The following MYO1G variants were observed in gnomAD, a reference collection of about 807,000 sequenced individuals.
MYO1G encodes myosin IG.
In MYO1G, 65 loss-of-function variants were observed where a neutral mutation model predicts 115.3. That is an observed-to-expected ratio of 0.56 (90% confidence interval 0.46 to 0.69). The LOEUF (loss-of-function observed/expected upper bound fraction) is 0.69, where lower values mean the gene tolerates loss of function less well. Ranked by LOEUF, MYO1G falls within the 30% of genes least tolerant of loss-of-function variation. The pLI is 0.00. For missense variants in MYO1G, 1,204 were observed against 1,393.5 expected, an observed-to-expected ratio of 0.86 and a Z score of 2.16; for synonymous variants, 510 against 552.6, an observed-to-expected ratio of 0.92 and a Z score of 1.08.
At chr7:44,972,365 A>G (rs1433456483) in intron 5 of MYO1G, 140 bp from the exon 6 acceptor site, 1 of 659,012 alleles carries the variant, frequency 1.5e-6, no homozygotes, top group African/African-American at 1.8e-5. Context: ...GACAGTGTGA[A>G]CAGTTTCTGT....
In MYO1G at chr7:44,970,215, G is replaced by A. The variant is rs1794929540; in HGVS notation, c.1218-61C>T. 3 of 1,163,050 alleles carry A rather than the reference G, an allele frequency of 2.6e-6. No individual in the cohort carries two copies. In the African/African-American group the frequency reaches 4.5e-5, roughly 17 times the overall value. The allele number at this position is 1,163,050 out of a possible 1,614,324, so 72.0% of individuals were successfully genotyped here. A position where few individuals can be genotyped will look rare whatever the true frequency, so the allele number is the denominator to read the frequency against. The stretch of plus-strand genomic sequence containing the variant: ...CTGCTTGTGGAGTGCATGGTAATGG[G>A]TGGCTGCTCCCCTGAACATCTCTGC... On this transcript the variant is annotated intron_variant, in intron 9 of 21. Transcript: ENST00000258787.
chr7:44,969,445 G>A lies in MYO1G; in HGVS notation c.1542C>T (p.Asp514=). The A allele has an allele frequency of 6.2e-7, 1 of 1,613,964 alleles. No individual in the cohort carries two copies. The highest frequency in any genetic ancestry group is 8.5e-7 in the Non-Finnish European group (1 of 1,180,012). Residue 514 remains aspartate, a synonymous_variant, in exon 12 of 22, where the codon GAC becomes GAT. Transcript: ENST00000258787. The surrounding 1 kb of genome is among the most constrained non-coding windows in gnomAD (Gnocchi z 5.0). Reference sequence around the variant, plus strand: ...CCCCTGCATAGTGCTTGATCCGGAAGTCTCGGCCAAACTCCATGGTCTTGT... The same window carrying A: ...CCCCTGCATAGTGCTTGATCCGGAAATCTCGGCCAAACTCCATGGTCTTGT... ...PTDKTMEFGR[D]FRIKHYAGDV... is the part of the protein sequence containing the mutation.
chr7:44,971,740 C>G lies in MYO1G; in HGVS notation c.779G>C (p.Arg260Thr). Residue 260 changes from arginine (R) to threonine (T), a missense_variant, in exon 7 of 22, where the codon AGG (arginine) becomes ACG (threonine). Arg to Thr is a moderately conservative substitution (Grantham distance 71). Transcript: ENST00000258787. ...CTCTTCAGGACTGAAGCCGATGACC[C>G]TCATGGCCTCGGTCACTGCCTGGTG... Reference protein sequence around the residue: ...QSHQAVTEAMRVIGFSPEEVE... With the variant: ...QSHQAVTEAMTVIGFSPEEVE... 6.4e-7 allele frequency: 1 copy of G among 1,555,836 alleles called. No homozygotes were observed. Among genetic ancestry groups the G allele is most frequent in the Non-Finnish European group, 8.7e-7 (1 of 1,149,152 alleles).
intron 3 of MYO1G, 122 bp from the exon 4 acceptor site, chr7:44,975,771 T>C (rs1481299827): frequency 1.7e-6 from 2 of 1,171,688 alleles, no homozygotes; most frequent in African/African-American, 3.1e-5. Context: ...CTGAACTTGC[T>C]GAGAGGGAAC....
intron 17 of MYO1G, 60 bp from the exon 18 acceptor site, chr7:44,965,149 C>A: frequency 5.8e-6 from 9 of 1,555,512 alleles, no homozygotes; most frequent in Non-Finnish European, 7.0e-6. Flanking sequence ...TCCCTGAGCC[C>A]CCTCTCCACA....
chr7:44,965,366 T>C (rs773867143), intron 17 of MYO1G, among the ~76,000 whole-genome samples: 1 of 152,228 alleles, frequency 6.6e-6, no homozygotes, highest in Non-Finnish European at 1.5e-5. Flanking sequence ...CCCGCTCAGA[T>C]GCAGAATCCC....
Position 44,971,798 on chromosome 7 carries a change from G to A in MYO1G, c.730-9C>T, listed in dbSNP as rs928175164. ...TCATCACTGTCCAAGGCCTAGGGTA[G>A]AAGGGATTCATCACTCCAAAGCCAC... On this transcript the variant is annotated splice_polypyrimidine_tract_variant and intron_variant, in intron 6 of 21. Coordinates refer to ENST00000258787, the MANE Select transcript of MYO1G (RefSeq NM_033054.3). The A allele has an allele frequency of 9.0e-6, 14 of 1,548,544 alleles. No individual in the cohort carries two copies. The highest frequency in any genetic ancestry group is 1.2e-5 in the Non-Finnish European group (14 of 1,143,058).
At chr7:44,977,612 G>A (rs1795081053) in intron 1 of MYO1G, among the ~76,000 whole-genome samples, 1 of 147,852 alleles carries the variant, frequency 6.8e-6, no homozygotes, top group Admixed American at 6.7e-5. Flanking sequence ...CGACCCCCCA[G>A]CCTGTGGCCA....
chr7:44,966,910 T>A lies in MYO1G; in HGVS notation c.1783-72A>T, dbSNP rs1243536691. 1 of 1,447,710 alleles carries A rather than the reference T, an allele frequency of 6.9e-7. No individual in the cohort carries two copies. Among genetic ancestry groups the A allele is most frequent in the African/African-American group, 1.4e-5 (1 of 70,692 alleles). 89.7% of individuals were successfully genotyped at this position (1,447,710 alleles called of 1,614,324 possible). Reference sequence around the variant, plus strand: ...GTGCACCCTGCCCCACACCAGGGGCTTCCTAACCCCTCAAGGTCCCAGGCC... The same window carrying A: ...GTGCACCCTGCCCCACACCAGGGGCATCCTAACCCCTCAAGGTCCCAGGCC... On this transcript the variant is annotated intron_variant, in intron 14 of 21. Coordinates refer to ENST00000258787, the MANE Select transcript of MYO1G (RefSeq NM_033054.3). The surrounding 1 kb of genome is among the most constrained non-coding windows in gnomAD (Gnocchi z 5.0).
At chr7:44,975,083 G>A (rs533052374) in intron 5 of MYO1G, 91 bp downstream of exon 5, 16 of 1,321,606 alleles carry the variant, frequency 1.2e-5, no homozygotes, top group Middle Eastern at 1.8e-4. Context: ...GGGGAATTGG[G>A]GTAGTGATGG....
chr7:44,969,542 A>G lies in MYO1G; in HGVS notation c.1504-59T>C. On this transcript the variant is annotated intron_variant, in intron 11 of 21. Transcript: ENST00000258787. This position sits in a 1 kb window ranked among gnomAD's most constrained non-coding sequence, Gnocchi z 5.0. ...GTATGTGGAGGGTCTGTATGAAGGGATAGCCCTGCCTCCCCACCTCCAGGG... is the reference window on the plus strand; with the variant it reads ...GTATGTGGAGGGTCTGTATGAAGGGGTAGCCCTGCCTCCCCACCTCCAGGG... The G allele has an allele frequency of 6.3e-7, 1 of 1,594,774 alleles. No homozygotes were observed.
intron 5 of MYO1G, 78 bp downstream of exon 5, chr7:44,975,096 G>T: frequency 6.9e-7 from 1 of 1,449,594 alleles, no homozygotes. Context: ...AGTGATGGAA[G>T]GGTCACAAGC....
intron 7 of MYO1G, 73 bp from the exon 8 acceptor site, chr7:44,971,132 G>A: frequency 7.2e-7 from 1 of 1,398,148 alleles, no homozygotes; most frequent in South Asian, 1.3e-5. Context: ...GGACAAGAAG[G>A]AGGAAGGAAA....
chr7:44,969,907 C>G lies in MYO1G; in HGVS notation c.1333-32G>C. The G allele has an allele frequency of 6.3e-7, 1 of 1,589,686 alleles. No individual in the cohort carries two copies. The highest frequency in any genetic ancestry group is 8.6e-7 in the Non-Finnish European group (1 of 1,166,756). On this transcript the variant is annotated intron_variant, in intron 10 of 21. Coordinates refer to ENST00000258787, the MANE Select transcript of MYO1G (RefSeq NM_033054.3). This position sits in a 1 kb window ranked among gnomAD's most constrained non-coding sequence, Gnocchi z 5.0. ...CAAAGGCAGCCAGCAAGGAAGCTCC[C>G]AAGGTCTTTCAGGCCACCTCCCCTC...
rs1289815772 is a variant in MYO1G, at chr7:44,969,163, G to A, written c.1574+250C>T. 5 of 460,576 alleles carry A rather than the reference G, an allele frequency of 1.1e-5. No homozygotes were observed. The highest frequency in any genetic ancestry group is 6.7e-5 in the Admixed American group (2 of 29,974). The allele number at this position is 460,576 out of a possible 1,614,324, so 28.5% of individuals were successfully genotyped here. Reference sequence around the variant, plus strand: ...CTGGTATAGGGTTGGGCCCAGACATGAGACGTGGGTATTTTTTAAAGGCTC... The same window carrying A: ...CTGGTATAGGGTTGGGCCCAGACATAAGACGTGGGTATTTTTTAAAGGCTC... On this transcript the variant is annotated intron_variant, in intron 12 of 21. Transcript: ENST00000258787. This position sits in a 1 kb window ranked among gnomAD's most constrained non-coding sequence, Gnocchi z 5.0.
chr7:44,964,590 C>T lies in MYO1G; in HGVS notation c.2527-71G>A. The T allele has an allele frequency of 8.1e-7, 1 of 1,230,638 alleles. No individual in the cohort carries two copies. Among genetic ancestry groups the T allele is most frequent in the South Asian group, 1.2e-5 (1 of 82,862 alleles). The allele number at this position is 1,230,638 out of a possible 1,614,324, so 76.2% of individuals were successfully genotyped here. A position where few individuals can be genotyped will look rare whatever the true frequency, so the allele number is the denominator to read the frequency against. On this transcript the variant is annotated intron_variant, in intron 18 of 21. Coordinates refer to ENST00000258787, the MANE Select transcript of MYO1G (RefSeq NM_033054.3). The surrounding 1 kb of genome is among the most constrained non-coding windows in gnomAD (Gnocchi z 5.1). ...TGGGACCAGACTCAATTGATAGCAG[C>T]TGTCTGTGAATCAGCATAGCTATCC... is the stretch of plus-strand genomic sequence containing the variant.
In MYO1G at chr7:44,963,727, T is replaced by G; in HGVS notation, c.2745+322A>C. 2.9e-6 allele frequency: 1 copy of G among 350,520 alleles called. No homozygotes were observed. The highest frequency in any genetic ancestry group is 5.3e-6 in the Non-Finnish European group (1 of 188,090). 21.7% of individuals were successfully genotyped at this position (350,520 alleles called of 1,614,324 possible). A position where few individuals can be genotyped will look rare whatever the true frequency, so the allele number is the denominator to read the frequency against. ...CCACAGGAGGCCCAGAACATTGTGGTGGGTACTCAGGTCCCAGAATGCCCA... is the reference window on the plus strand; with the variant it reads ...CCACAGGAGGCCCAGAACATTGTGGGGGGTACTCAGGTCCCAGAATGCCCA... On this transcript the variant is annotated intron_variant, in intron 20 of 21. Coordinates refer to ENST00000258787, the MANE Select transcript of MYO1G (RefSeq NM_033054.3). This position sits in a 1 kb window ranked among gnomAD's most constrained non-coding sequence, Gnocchi z 4.1.
Position 44,962,752 on chromosome 7 carries a change from C to T in MYO1G, c.3044G>A (p.Trp1015Ter). The T allele has an allele frequency of 6.8e-7, 1 of 1,471,094 alleles. No homozygotes were observed. The highest frequency in any genetic ancestry group is 1.4e-5 in the South Asian group (1 of 72,090). 91.1% of individuals were successfully genotyped at this position (1,471,094 alleles called of 1,614,324 possible). The change falls in exon 22 of 22, where the codon TGG becomes TAG. Residue 1015 changes from tryptophan to a stop codon, truncating the protein, a stop_gained. Coordinates refer to ENST00000258787, the MANE Select transcript of MYO1G (RefSeq NM_033054.3). LOFTEE classifies it high-confidence loss of function. The surrounding 1 kb of genome is among the most constrained non-coding windows in gnomAD (Gnocchi z 5.3). ...GGGTGCGGGCGCTCAGCGGCTGGGC[C>T]AGAGCAGGGTGAAGGAGCCGCGAGC... is the stretch of plus-strand genomic sequence containing the variant. ...RCARGSFTLL[W>*]PSR
chr7:44,976,620 G>T lies in MYO1G; in HGVS notation c.342C>A (p.His114Gln). Residue 114 changes from histidine to glutamine, a missense_variant, in exon 3 of 22, where the codon CAC becomes CAA. By Grantham distance (24) the His-to-Gln change is conservative (BLOSUM62 0). Coordinates refer to ENST00000258787, the MANE Select transcript of MYO1G (RefSeq NM_033054.3). ...SGAGKTEASKHIMQYIAAVTN... is the reference protein window; with the variant it reads ...SGAGKTEASKQIMQYIAAVTN... ...TGACAGCAGCGATGTACTGCATGAT[G>T]TGCTTACTGGCTTCTGTCTTCCCTG... 6.2e-7 allele frequency: 1 copy of T among 1,614,122 alleles called. No individual in the cohort carries two copies. Among genetic ancestry groups the T allele is most frequent in the Non-Finnish European group, 8.5e-7 (1 of 1,180,004 alleles).
Sources: gnomAD v4.1 joint callset for allele counts (sites outside exome capture counted in the v4.1 genomes callset) on GRCh38, gnomAD v4.1.1 for gene constraint, Gnocchi (gnomAD v3.1) non-coding constraint, MANE v1.5 for transcripts, NCBI Gene and HGNC (gene_info 2026-07-23, HGNC 2026-07-21) for gene names.